TGM6: variants seen among roughly 807,000 people sequenced by gnomAD.
The protein encoded by TGM6 is transglutaminase 6, also known as protein-glutamine gamma-glutamyltransferase 6.
In TGM6, 74 loss-of-function variants were observed where a neutral mutation model predicts 77.5. The ratio of observed to expected loss-of-function variants is 0.96; its 90% confidence interval spans 0.79 to 1.16. The LOEUF (loss-of-function observed/expected upper bound fraction) is 1.16. TGM6 is among the 50% of genes most tolerant of loss of function. The pLI, the probability that TGM6 is intolerant of heterozygous loss-of-function variation, is 0.00. For synonymous variants in TGM6, 383 were observed against 378.9 expected, an observed-to-expected ratio of 1.01 and a Z score of -0.12; for missense variants, 968 against 940.2, an observed-to-expected ratio of 1.03 and a Z score of -0.39.
At position 2,394,531 on chromosome 20, in the gene TGM6, G is replaced by C. The variant is rs1413196347; in HGVS notation, c.87G>C (p.Glu29Asp). Residue 29 changes from glutamate (E) to aspartate (D), a missense_variant, in exon 2 of 13, where the codon GAG (glutamate) becomes GAC (aspartate). Physicochemically the swap from Glu to Asp is conservative, Grantham distance 45. Transcript: ENST00000202625. ...AHHTQEYPCP[E>D]LVVRRGQSFS... ...ACACCCAGGAGTACCCCTGCCCTGA[G>C]CTGGTGGTTCGCAGGGGCCAGTCGT... is the stretch of plus-strand genomic sequence containing the variant. 6.2e-7 allele frequency: 1 copy of C among 1,611,998 alleles called. No individual in the cohort carries two copies. Among genetic ancestry groups the C allele is most frequent in the Non-Finnish European group, 8.5e-7 (1 of 1,179,866 alleles).
At chr20:2,430,647 C>T in intron 11 of TGM6, 47 bp downstream of exon 11, 2 of 1,612,478 alleles carry the variant, frequency 1.2e-6, no homozygotes, top group Non-Finnish European at 1.7e-6. Flanking sequence ...GGCACCCACT[C>T]CCCAGAGCTG....
chr20:2,401,141 G>A (rs1484054114), intron 7 of TGM6, among the ~76,000 whole-genome samples: 1 of 151,568 alleles, frequency 6.6e-6, no homozygotes, highest in East Asian at 1.9e-4. Context: ...GAAGGCAGAG[G>A]TTGCCTCTGT....
intron 10 of TGM6, among the ~76,000 whole-genome samples, chr20:2,428,406 G>C (rs995844375): frequency 1.3e-5 from 2 of 152,152 alleles, no homozygotes; most frequent in African/African-American, 4.8e-5. Flanking sequence ...GATCTGAGCT[G>C]ATGCCCAAAG....
Position 2,394,592 on chromosome 20 carries a change from T to C in TGM6, c.148T>C (p.Cys50Arg). The C allele has an allele frequency of 1.9e-6, 3 of 1,612,126 alleles. No individual in the cohort carries two copies. Among genetic ancestry groups the C allele is most frequent in the Non-Finnish European group, 2.5e-6 (3 of 1,179,646 alleles). The change falls in exon 2 of 13, where the codon TGT (cysteine) becomes CGT (arginine). Residue 50 changes from cysteine (C) to arginine (R), a missense_variant. Transcript: ENST00000202625. ...LTLELSRALD[C>R]EEILIFTMET... The stretch of plus-strand genomic sequence containing the variant: ...GCTGGAGCTGAGCAGAGCCCTGGAC[T>C]GTGAGGAGATCCTCATCTTCACGAT...
At chr20:2,415,307 G>A (rs1357226899) in intron 9 of TGM6, among the ~76,000 whole-genome samples, 2 of 152,114 alleles carry the variant, frequency 1.3e-5, no homozygotes, top group Non-Finnish European at 2.9e-5. Context: ...GGGGAGAGTG[G>A]TGTGAAGACC....
At position 2,417,523 on chromosome 20, in the gene TGM6, T is replaced by C. The variant is rs767873104; in HGVS notation, c.1628T>C (p.Val543Ala). The change falls in exon 10 of 13, where the codon GTG (valine) becomes GCG (alanine). Residue 543 changes from valine (V) to alanine (A), a missense_variant. Val to Ala is a moderately conservative substitution (Grantham distance 64). Transcript: ENST00000202625. Reference sequence around the variant, plus strand: ...ACCATCCTCTATACCCGCAAGCCAGTGGCAGAGATCCTGCATGAATCCCAC... The same window carrying C: ...ACCATCCTCTATACCCGCAAGCCAGCGGCAGAGATCCTGCATGAATCCCAC... ...GATILYTRKP[V>A]AEILHESHAV... 12 of 1,607,024 alleles carry C rather than the reference T, an allele frequency of 7.5e-6. No homozygotes were observed. Among genetic ancestry groups the C allele is most frequent in the Middle Eastern group, 1.6e-4 (1 of 6,062 alleles).
rs949718886 is a variant in TGM6, at chr20:2,402,808, C to A, written c.990-589C>A. 5.3e-5 allele frequency among the ~76,000 whole-genome samples: 8 copies of A among 152,206 alleles called. No individual in the cohort carries two copies. In the East Asian group the frequency reaches 1.2e-3, roughly 22 times the overall value. ...GGTGCTCTGCATAATCAGAACCCTA[C>A]CTACCCCCTCTGCTGGCCATATCCC... is the stretch of plus-strand genomic sequence containing the variant. On this transcript the variant is annotated intron_variant, in intron 7 of 12. Coordinates refer to ENST00000202625, the MANE Select transcript of TGM6 (RefSeq NM_198994.3).
intron 9 of TGM6, among the ~76,000 whole-genome samples, chr20:2,407,918 C>A (rs1229080358): frequency 6.6e-6 from 1 of 152,140 alleles, no homozygotes; most frequent in Non-Finnish European, 1.5e-5. Context: ...GAGCTGACAG[C>A]ACAGAATAAT....
chr20:2,417,660 G>A (rs2084828169), intron 10 of TGM6, 87 bp downstream of exon 10: 2 of 1,395,206 alleles, frequency 1.4e-6, no homozygotes, highest in Non-Finnish European at 2.0e-6. Flanking sequence ...TCCCAGGACT[G>A]CATTCATCCC....
chr20:2,417,221 A>G lies in TGM6; in HGVS notation c.1337-11A>G, dbSNP rs781136943. 1 of 1,587,758 alleles carries G rather than the reference A, an allele frequency of 6.3e-7. No homozygotes were observed. The highest frequency in any genetic ancestry group is 8.6e-7 in the Non-Finnish European group (1 of 1,167,126). On this transcript the variant is annotated splice_polypyrimidine_tract_variant and intron_variant, in intron 9 of 12. Transcript: ENST00000202625. Reference sequence around the variant, plus strand: ...GGGTGCCTGCCGCTGACGTTGTGTGATGCCCTGCAGGGTCCCGGAAAGAGA... The same window carrying G: ...GGGTGCCTGCCGCTGACGTTGTGTGGTGCCCTGCAGGGTCCCGGAAAGAGA...
Position 2,430,978 on chromosome 20 carries a change from G to A in TGM6, c.1918G>A (p.Ala640Thr). The part of the protein sequence containing the change: ...NPLIERVKDC[A>T]LMVEGSGLLQ... ...CCTCATAGAGAGAGTGAAGGACTGT[G>A]CGCTGATGGTGGAGGGCAGCGGCCT... Residue 640 changes from alanine (A) to threonine (T), a missense_variant, in exon 12 of 13, where the codon GCG (alanine) becomes ACG (threonine). Coordinates refer to ENST00000202625, the MANE Select transcript of TGM6 (RefSeq NM_198994.3). 1.2e-6 allele frequency: 2 copies of A among 1,614,108 alleles called. No homozygotes were observed. Among genetic ancestry groups the A allele is most frequent in the Non-Finnish European group, 1.7e-6 (2 of 1,180,026 alleles).
intron 10 of TGM6, among the ~76,000 whole-genome samples, chr20:2,420,646 C>T (rs1278461379): frequency 6.6e-5 from 10 of 152,206 alleles, no homozygotes; most frequent in Non-Finnish European, 1.0e-4. Flanking sequence ...CTATTCATCC[C>T]TCCTTCCCTT....
intron 4 of TGM6, among the ~76,000 whole-genome samples, chr20:2,397,160 T>C (rs1261944135): frequency 5.3e-5 from 8 of 152,178 alleles, no homozygotes; most frequent in Non-Finnish European, 1.2e-4. Context: ...GAAAGGAACC[T>C]CCACTTCGGC....
At chr20:2,397,064 G>A (rs1246669903) in intron 4 of TGM6, among the ~76,000 whole-genome samples, 4 of 152,162 alleles carry the variant, frequency 2.6e-5, no homozygotes, top group Admixed American at 2.0e-4. Context: ...CACTGGCTTA[G>A]ATAAGTAGTT....
At chr20:2,399,025 C>T (rs1312271568) in intron 5 of TGM6, among the ~76,000 whole-genome samples, 1 of 151,978 alleles carries the variant, frequency 6.6e-6, no homozygotes, top group Non-Finnish European at 1.5e-5. Context: ...CAGTGAAAGT[C>T]CTGAACTCAA....
At chr20:2,418,377 A>G (rs887633004) in intron 10 of TGM6, among the ~76,000 whole-genome samples, 1 of 152,196 alleles carries the variant, frequency 6.6e-6, no homozygotes, top group African/African-American at 2.4e-5. Context: ...CCCTCCAGCC[A>G]CCTTGTGTGT....
chr20:2,422,464 C>T (rs1415808991), intron 10 of TGM6, among the ~76,000 whole-genome samples: 1 of 152,156 alleles, frequency 6.6e-6, no homozygotes, highest in Non-Finnish European at 1.5e-5. Context: ...TGGTTCCAGA[C>T]AACCACAATA....
intron 9 of TGM6, 98 bp downstream of exon 9, chr20:2,403,921 GTA>G: frequency 1.3e-6 from 2 of 1,594,592 alleles, no homozygotes; most frequent in South Asian, 2.2e-5. Flanking sequence ...CTCACCCCAT[GTA>G]TATGACGCTG....
In TGM6 at chr20:2,408,541, C is replaced by T. The variant is rs898840086; in HGVS notation, c.1336+4718C>T. ...TTTGTTCATTGCCGTATCCCCAACT[C>T]CTACAGCAGCATCAACTGCATAGTA... is the stretch of plus-strand genomic sequence containing the variant. On this transcript the variant is annotated intron_variant, in intron 9 of 12. Coordinates refer to ENST00000202625, the MANE Select transcript of TGM6 (RefSeq NM_198994.3). Among the ~76,000 whole-genome samples, 10 of 152,310 alleles carry T rather than the reference C, an allele frequency of 6.6e-5. No homozygotes were observed. The East Asian group carries it at 1.9e-3, about 29-fold the overall frequency.
Sources: allele counts gnomAD v4.1 joint callset (sites outside exome capture counted in the v4.1 genomes callset), GRCh38; gene constraint gnomAD v4.1.1; transcripts MANE v1.5; gene names NCBI Gene and HGNC (gene_info 2026-07-23, HGNC 2026-07-21).